The following GALNT13 variants were observed in gnomAD, a reference collection of about 807,000 sequenced individuals.
The protein encoded by GALNT13 is UDP-GalNAc:polypeptide N-acetylgalactosaminyltransferase 13.
In GALNT13, 28 loss-of-function variants were observed where a neutral mutation model predicts 64.2. That is an observed-to-expected ratio of 0.44 (90% confidence interval 0.32 to 0.60). The LOEUF (loss-of-function observed/expected upper bound fraction) is 0.60, where lower values mean the gene tolerates loss of function less well. GALNT13 is among the 20% of genes least tolerant of loss of function. The pLI is 0.05. For synonymous variants in GALNT13, 214 were observed against 224.6 expected (o/e 0.95, Z 0.42); for missense variants, 577 against 669.8 (o/e 0.86, Z 1.53).
At chr2:153,376,888 T>A in the GALNT13 span, among the ~76,000 whole-genome samples, 659 of 152,304 alleles carry the variant, frequency 4.3e-3, 2 homozygotes, top group African/African-American at 0.015. Context: ...CTGTAGCAAT[T>A]GACAAAGGAG....
intron 10 of GALNT13, among the ~76,000 whole-genome samples, chr2:154,404,358 C>T (rs1037513295): frequency 1.3e-5 from 2 of 152,194 alleles, no homozygotes; most frequent in East Asian, 1.9e-4. Context: ...AAACAGAAAA[C>T]GACTAGAACA....
chr2:153,158,374 T>C, the GALNT13 span, among the ~76,000 whole-genome samples: 7 of 152,192 alleles, frequency 4.6e-5, no homozygotes, highest in African/African-American at 1.7e-4. Context: ...AAATTATTTT[T>C]CTAATTTTAA....
At chr2:153,563,397 G>T in the GALNT13 span, among the ~76,000 whole-genome samples, 1 of 151,978 alleles carries the variant, frequency 6.6e-6, no homozygotes, top group Non-Finnish European at 1.5e-5. Context: ...TTTATCATCA[G>T]ATTTTTTAGT....
chr2:153,375,889 C>G, the GALNT13 span, among the ~76,000 whole-genome samples: 1,273 of 152,196 alleles, frequency 8.4e-3, 19 homozygotes, highest in African/African-American at 0.028. Flanking sequence ...AAGCGTGGTG[C>G]CAGTGTCTGC....
intron 2 of GALNT13, among the ~76,000 whole-genome samples, chr2:153,923,511 T>TG (rs1343542393): frequency 6.6e-6 from 1 of 152,150 alleles, no homozygotes; most frequent in Non-Finnish European, 1.5e-5. Context: ...GGAATCTGAT[T>TG]TTTTTTGTTA....
chr2:153,523,468 G>A, the GALNT13 span, among the ~76,000 whole-genome samples: 18 of 152,182 alleles, frequency 1.2e-4, no homozygotes, highest in East Asian at 3.9e-4. Context: ...ACATCTCACC[G>A]TTAATTTAGT....
At chr2:154,334,503 T>C (rs1345618446) in intron 9 of GALNT13, among the ~76,000 whole-genome samples, 1 of 152,082 alleles carries the variant, frequency 6.6e-6, no homozygotes, top group Non-Finnish European at 1.5e-5. Flanking sequence ...TGTGGGTTTT[T>C]AGTTCTGATC....
chr2:153,605,529 A>T, the GALNT13 span, among the ~76,000 whole-genome samples: 2 of 151,956 alleles, frequency 1.3e-5, no homozygotes, highest in African/African-American at 2.4e-5. Flanking sequence ...TTTAGTAGAA[A>T]TTTTTTCTTT....
the GALNT13 span, among the ~76,000 whole-genome samples, chr2:153,735,612 A>G: frequency 6.6e-6 from 1 of 152,186 alleles, no homozygotes; most frequent in Non-Finnish European, 1.5e-5. Context: ...TTTATAGGTA[A>G]CAGATCCAAT....
intron 3 of GALNT13, among the ~76,000 whole-genome samples, chr2:153,950,215 T>A (rs1437622929): frequency 6.6e-6 from 1 of 151,890 alleles, no homozygotes; most frequent in Non-Finnish European, 1.5e-5. Context: ...ATAAGTAACT[T>A]GATTGTTATA....
the GALNT13 span, among the ~76,000 whole-genome samples, chr2:153,224,385 G>C: frequency 6.6e-6 from 1 of 152,150 alleles, no homozygotes; most frequent in Admixed American, 6.5e-5. Flanking sequence ...CAGGTACTGT[G>C]CTCACTGAGT....
the GALNT13 span, among the ~76,000 whole-genome samples, chr2:153,248,135 A>G: frequency 6.6e-6 from 1 of 152,198 alleles, no homozygotes; most frequent in African/African-American, 2.4e-5. Flanking sequence ...CCGGAGGTAC[A>G]AAGAGGAGCT....
intron 3 of GALNT13, among the ~76,000 whole-genome samples, chr2:154,122,959 A>G (rs1481776623): frequency 1.3e-5 from 2 of 152,086 alleles, no homozygotes; most frequent in East Asian, 3.9e-4. Context: ...ATGAAAAGGT[A>G]CCTCACCTCT....
At chr2:154,126,584 G>A (rs1682282396) in intron 3 of GALNT13, among the ~76,000 whole-genome samples, 1 of 150,122 alleles carries the variant, frequency 6.7e-6, no homozygotes, top group South Asian at 2.1e-4. Context: ...GCAGTGAGCC[G>A]AGATCGCGCC....
chr2:154,326,462 A>T (rs1219336352), intron 9 of GALNT13, among the ~76,000 whole-genome samples: 1 of 152,122 alleles, frequency 6.6e-6, no homozygotes, highest in Non-Finnish European at 1.5e-5. Flanking sequence ...GTTGATGTGA[A>T]ATCCAAATTT....
At chr2:153,325,272 A>G in the GALNT13 span, among the ~76,000 whole-genome samples, 39 of 152,026 alleles carry the variant, frequency 2.6e-4, no homozygotes, top group African/African-American at 9.2e-4. Flanking sequence ...TAGATTTTCT[A>G]GTTTATGTGC....
chr2:154,252,784 A>G (rs1690155937), intron 7 of GALNT13, among the ~76,000 whole-genome samples: 1 of 151,118 alleles, frequency 6.6e-6, no homozygotes, highest in East Asian at 2.0e-4. Context: ...GATAGATAAT[A>G]GATAAGGAAA....
At chr2:153,742,667 T>C in the GALNT13 span, among the ~76,000 whole-genome samples, 49 of 152,042 alleles carry the variant, frequency 3.2e-4, no homozygotes, top group African/African-American at 1.2e-3. Context: ...TGAGAATGTG[T>C]GGTATTTGAT....
chr2:154,075,764 T>G (rs1018992774), intron 3 of GALNT13, among the ~76,000 whole-genome samples: 5 of 150,928 alleles, frequency 3.3e-5, no homozygotes, highest in Middle Eastern at 3.2e-3. Context: ...AATACTTTTG[T>G]TTTATTTTTG....
Sources: allele counts gnomAD v4.1 joint callset (sites outside exome capture counted in the v4.1 genomes callset), GRCh38; gene constraint gnomAD v4.1.1; transcripts MANE v1.5; gene names NCBI Gene and HGNC (gene_info 2026-07-23, HGNC 2026-07-21).